PTPRN2: variants seen among roughly 807,000 people sequenced by gnomAD.
PTPRN2 encodes the protein protein tyrosine phosphatase receptor type N2, also known as receptor-type tyrosine-protein phosphatase N2.
Under a neutral mutation model 118.8 loss-of-function variants are expected in PTPRN2, and 74 were observed. The observed-to-expected ratio is 0.62, with a 90% CI of 0.52 to 0.76. The LOEUF (loss-of-function observed/expected upper bound fraction) is 0.76. PTPRN2 is among the 30% of genes least tolerant of loss of function. The pLI, the probability that PTPRN2 is intolerant of heterozygous loss-of-function variation, is 0.00. For synonymous variants in PTPRN2, 641 were observed against 608.0 expected, an observed-to-expected ratio of 1.05 and a Z score of -0.80; for missense variants, 1,481 against 1,394.4, an observed-to-expected ratio of 1.06 and a Z score of -0.99.
chr7:157,899,347 C>G (rs1797310546), intron 11 of PTPRN2, among the ~76,000 whole-genome samples: 1 of 152,184 alleles, frequency 6.6e-6, no homozygotes, highest in South Asian at 2.1e-4. Flanking sequence ...GGGAAATGAG[C>G]TCTGGAAACA....
chr7:157,722,519 C>T (rs1799298361), intron 12 of PTPRN2, among the ~76,000 whole-genome samples: 3 of 152,190 alleles, frequency 2.0e-5, no homozygotes, highest in South Asian at 2.1e-4. Context: ...GAAGATGAAG[C>T]TGGAGTGGCA....
At chr7:158,545,323 A>C (rs1024396839) in intron 1 of PTPRN2, among the ~76,000 whole-genome samples, 8 of 152,254 alleles carry the variant, frequency 5.3e-5, no homozygotes, top group Non-Finnish European at 1.2e-4. Flanking sequence ...TCACACATGC[A>C]GGGACCAGTC....
At chr7:158,154,141 A>T (rs913233495) in intron 6 of PTPRN2, among the ~76,000 whole-genome samples, 1 of 152,162 alleles carries the variant, frequency 6.6e-6, no homozygotes, top group Non-Finnish European at 1.5e-5. Context: ...CAGGCAGGGA[A>T]TGTCAGGGCA....
At chr7:157,613,632 T>G (rs2150608732) in intron 15 of PTPRN2, among the ~76,000 whole-genome samples, 1 of 152,136 alleles carries the variant, frequency 6.6e-6, no homozygotes, top group South Asian at 2.1e-4. Context: ...CCTTCCCCGG[T>G]TCTCCAGCCG....
In PTPRN2 at chr7:158,009,257, C is replaced by G. The variant is rs115626416; in HGVS notation, c.1723+72041G>C. 4.0e-3 allele frequency among the ~76,000 whole-genome samples: 611 copies of G among 152,218 alleles called. 1 individual carries two copies. Among genetic ancestry groups the G allele is most frequent in the African/African-American group, 0.014 (577 of 41,544 alleles). On this transcript the variant is annotated intron_variant, in intron 11 of 22. Coordinates refer to ENST00000389418, the MANE Select transcript of PTPRN2 (RefSeq NM_002847.5). Reference sequence around the variant, plus strand: ...TGATCAATGATCAAATCTGCTTCCACCCAATTCAAATGCAAGCAGTTCTGA... The same window carrying G: ...TGATCAATGATCAAATCTGCTTCCAGCCAATTCAAATGCAAGCAGTTCTGA...
At chr7:157,919,381 A>T (rs1033439886) in intron 11 of PTPRN2, among the ~76,000 whole-genome samples, 1 of 152,222 alleles carries the variant, frequency 6.6e-6, no homozygotes, top group African/African-American at 2.4e-5. Flanking sequence ...TTAGAGAATA[A>T]TAAAGGCTGT....
chr7:158,297,406 T>G (rs1800578479), intron 3 of PTPRN2, among the ~76,000 whole-genome samples: 1 of 152,202 alleles, frequency 6.6e-6, no homozygotes, highest in Non-Finnish European at 1.5e-5. Context: ...GTGATGACAC[T>G]GCAAAGTCCG....
At position 158,456,173 on chromosome 7, in the gene PTPRN2, C is replaced by G. The variant is rs959860845; in HGVS notation, c.163+33562G>C. Among the ~76,000 whole-genome samples the G allele has an allele frequency of 1.1e-4, 16 of 151,636 alleles. 1 individual carries two copies. The highest frequency in any genetic ancestry group is 3.9e-4 in the African/African-American group (16 of 41,236). ...CATGGACGCCATCAGCCACAGCCCC[C>G]CATCACTCTGCAGAGAACATAATGG... On this transcript the variant is annotated intron_variant, in intron 2 of 22. Coordinates refer to ENST00000389418, the MANE Select transcript of PTPRN2 (RefSeq NM_002847.5).
In PTPRN2 at chr7:157,674,844, G is replaced by A. The variant is rs536381592; in HGVS notation, c.2001+7881C>T. Among the ~76,000 whole-genome samples, 125 of 152,352 alleles carry A rather than the reference G, an allele frequency of 8.2e-4. 1 individual carries two copies. Among genetic ancestry groups the A allele is most frequent in the Non-Finnish European group, 1.5e-3 (100 of 68,034 alleles). On this transcript the variant is annotated intron_variant, in intron 13 of 22. Transcript: ENST00000389418. The surrounding 1 kb of genome is among the most constrained non-coding windows in gnomAD (Gnocchi z 4.5). ...TCCCACGCCGAGCTCCTCCTGCCGG[G>A]GGGGTCTGCACAGTTCTGGGTGGGG...
intron 15 of PTPRN2, among the ~76,000 whole-genome samples, chr7:157,606,354 G>T (rs567970722): frequency 3.6e-4 from 55 of 152,316 alleles, no homozygotes; most frequent in African/African-American, 1.3e-3. Context: ...GCGTGGGGGT[G>T]GGGGTGGGGT....
intron 2 of PTPRN2, among the ~76,000 whole-genome samples, chr7:158,389,997 G>A (rs746834284): frequency 4.6e-5 from 7 of 152,226 alleles, no homozygotes; most frequent in African/African-American, 9.6e-5. Context: ...CTGTAATGAC[G>A]CTGTTCACAT....
chr7:158,300,673 T>G (rs1332256012), intron 3 of PTPRN2, among the ~76,000 whole-genome samples: 1 of 139,640 alleles, frequency 7.2e-6, no homozygotes, highest in African/African-American at 2.7e-5. Flanking sequence ...AACCACAAAG[T>G]GCAACAGTGT....
At chr7:158,135,743 C>G (rs1818749395) in intron 8 of PTPRN2, among the ~76,000 whole-genome samples, 2 of 152,224 alleles carry the variant, frequency 1.3e-5, no homozygotes, top group African/African-American at 4.8e-5. Flanking sequence ...CCCATCATTT[C>G]TGATGGATAT....
At chr7:158,376,066 TGTAGCACA>T (rs1308947996) in intron 2 of PTPRN2, among the ~76,000 whole-genome samples, 3 of 152,202 alleles carry the variant, frequency 2.0e-5, no homozygotes, top group Non-Finnish European at 4.4e-5. Context: ...AAAAGAGCAC[TGTAGCACA>T]CCCACCGCGG....
At chr7:158,483,747 C>A (rs1439490192) in intron 2 of PTPRN2, among the ~76,000 whole-genome samples, 1 of 144,916 alleles carries the variant, frequency 6.9e-6, no homozygotes, top group Admixed American at 7.3e-5. Flanking sequence ...ACTATGCTTA[C>A]CTCCTTGCCT....
intron 12 of PTPRN2, among the ~76,000 whole-genome samples, chr7:157,789,019 G>A (rs1804260398): frequency 1.3e-5 from 2 of 152,240 alleles, no homozygotes; most frequent in Non-Finnish European, 2.9e-5. Flanking sequence ...CACCGTAACA[G>A]TCACTACAGG....
chr7:157,753,038 C>G (rs1235126958), intron 12 of PTPRN2, among the ~76,000 whole-genome samples: 1 of 152,236 alleles, frequency 6.6e-6, no homozygotes, highest in African/African-American at 2.4e-5. Context: ...GGCTGTTCTC[C>G]AAGGGGCAGG....
chr7:157,761,397 CAG>C (rs1563080987), intron 12 of PTPRN2, among the ~76,000 whole-genome samples: 1 of 150,198 alleles, frequency 6.7e-6, no homozygotes, highest in African/African-American at 2.4e-5. Context: ...GGTACCAAAA[CAG>C]AGATATAGAT....
intron 1 of PTPRN2, among the ~76,000 whole-genome samples, chr7:158,554,515 C>T (rs974231973): frequency 7.2e-5 from 11 of 152,186 alleles, no homozygotes; most frequent in African/African-American, 2.4e-4. Flanking sequence ...CTCTCTCTCT[C>T]TCTCCCATTA....
Sources: allele counts gnomAD v4.1 joint callset (sites outside exome capture counted in the v4.1 genomes callset), GRCh38; gene constraint gnomAD v4.1.1; non-coding constraint Gnocchi (gnomAD v3.1); transcripts MANE v1.5; gene names NCBI Gene and HGNC (gene_info 2026-07-23, HGNC 2026-07-21).